Variants in DISC1 observed in about 807,000 individuals in gnomAD.
DISC1 encodes the protein DISC1 scaffold protein, also known as disrupted in schizophrenia 1 protein.
Under a neutral mutation model 84.5 loss-of-function variants are expected in DISC1, and 57 were observed. That is an observed-to-expected ratio of 0.67 (90% confidence interval 0.55 to 0.84). The LOEUF (loss-of-function observed/expected upper bound fraction) is 0.84. Ranked by LOEUF, DISC1 falls within the 40% of genes least tolerant of loss-of-function variation. The probability of loss-of-function intolerance (pLI) is 0.00; values close to 1 mark genes in which losing one functional copy is unlikely to be tolerated. For missense variants in DISC1, 1,000 were observed against 1,057.8 expected (o/e 0.95, Z 0.76); for synonymous variants, 411 against 415.2 (o/e 0.99, Z 0.12).
intron 9 of DISC1, among the ~76,000 whole-genome samples, chr1:231,835,646 A>C (rs1346634587): frequency 6.6e-6 from 1 of 152,178 alleles, no homozygotes; most frequent in Non-Finnish European, 1.5e-5. Flanking sequence ...CAGAGGCCTG[A>C]CAGTGTGTTG....
At chr1:231,884,514 G>A (rs1433862064) in intron 9 of DISC1, among the ~76,000 whole-genome samples, 3 of 152,122 alleles carry the variant, frequency 2.0e-5, no homozygotes, top group Non-Finnish European at 4.4e-5. Flanking sequence ...GGGCATTTAG[G>A]TTGATTTCAT....
intron 10 of DISC1, among the ~76,000 whole-genome samples, chr1:231,995,821 A>G (rs1572547285): frequency 6.6e-6 from 1 of 151,608 alleles, no homozygotes; most frequent in Middle Eastern, 3.4e-3. Flanking sequence ...GTGTCTTTAT[A>G]GCAGCATGAT....
intron 9 of DISC1, among the ~76,000 whole-genome samples, chr1:231,821,812 C>A (rs2081521403): frequency 6.6e-6 from 1 of 150,620 alleles, no homozygotes. Flanking sequence ...CTCCCAGGTT[C>A]AAGCGATTCT....
chr1:231,723,489 T>C (rs2070172834), intron 3 of DISC1: 1 of 985,516 alleles, frequency 1.0e-6, no homozygotes, highest in Non-Finnish European at 1.2e-6. Context: ...TAAGTGAACG[T>C]TATTCTTTCT....
At chr1:231,721,178 A>G in intron 3 of DISC1, 2 of 1,112,780 alleles carry the variant, frequency 1.8e-6, no homozygotes, top group Non-Finnish European at 2.4e-6. Flanking sequence ...GAAATAATAC[A>G]TATAAAAACT....
intron 3 of DISC1, among the ~76,000 whole-genome samples, chr1:231,711,988 TTATC>T (rs2067918461): frequency 2.0e-5 from 3 of 152,176 alleles, no homozygotes; most frequent in Admixed American, 1.3e-4. Context: ...TCATCCCAGA[TTATC>T]TGAGGTGGGT....
intron 1 of DISC1, among the ~76,000 whole-genome samples, chr1:231,651,763 C>T (rs1418275276): frequency 6.6e-5 from 10 of 152,378 alleles, no homozygotes; most frequent in East Asian, 5.8e-4. Context: ...CTTCTCCAGC[C>T]GCTTTGTTTA....
At chr1:231,660,780 A>G (rs1199026825) in intron 1 of DISC1, among the ~76,000 whole-genome samples, 1 of 152,156 alleles carries the variant, frequency 6.6e-6, no homozygotes, top group Admixed American at 6.5e-5. Context: ...TAAGGTTAGT[A>G]TTATTATATG....
intron 8 of DISC1, among the ~76,000 whole-genome samples, chr1:231,801,207 C>T (rs951622803): frequency 1.3e-5 from 2 of 151,870 alleles, no homozygotes; most frequent in East Asian, 1.9e-4. Context: ...AACATGGCAG[C>T]GCAAATGTGG....
rs200135044 is a variant in DISC1 at position 231,720,810 on chromosome 1, A to G, written c.1117+18786A>G. The G allele has an allele frequency of 9.8e-5, 126 of 1,280,848 alleles. 1 individual carries two copies. The highest frequency in any genetic ancestry group is 2.1e-4 in the Middle Eastern group (1 of 4,678). 79.3% of individuals were successfully genotyped at this position (1,280,848 alleles called of 1,614,324 possible). On this transcript the variant is annotated intron_variant, in intron 3 of 12. Coordinates refer to ENST00000439617, the MANE Select transcript of DISC1 (RefSeq NM_018662.3). ...TAGTCACAGGGCAGAAGTGGTTCTG[A>G]GCAGCAGGTAGGAAACGTGTTGTCG... is the stretch of plus-strand genomic sequence containing the variant.
At chr1:231,916,571 C>T (rs889248073) in intron 9 of DISC1, among the ~76,000 whole-genome samples, 5 of 145,438 alleles carry the variant, frequency 3.4e-5, no homozygotes, top group Non-Finnish European at 7.5e-5. Flanking sequence ...AGGAGAATGG[C>T]GTGAACCCGG....
intron 9 of DISC1, among the ~76,000 whole-genome samples, chr1:231,941,693 G>T (rs534561900): frequency 6.6e-6 from 1 of 151,622 alleles, no homozygotes; most frequent in Non-Finnish European, 1.5e-5. Flanking sequence ...GGATGGTCTC[G>T]ATCTCTTGAC....
At chr1:231,763,827 G>A (rs2075968575) in intron 4 of DISC1, among the ~76,000 whole-genome samples, 1 of 152,198 alleles carries the variant, frequency 6.6e-6, no homozygotes, top group South Asian at 2.1e-4. Flanking sequence ...GAACTGTTTA[G>A]CATTGTGTCC....
intron 9 of DISC1, among the ~76,000 whole-genome samples, chr1:231,948,677 C>T (rs1040702548): frequency 7.9e-5 from 12 of 151,840 alleles, no homozygotes; most frequent in African/African-American, 2.7e-4. Flanking sequence ...AGAACACAAA[C>T]CAGAATTGAA....
At chr1:231,769,308 A>G (rs139030956) in intron 5 of DISC1, among the ~76,000 whole-genome samples, 1 of 152,336 alleles carries the variant, frequency 6.6e-6, no homozygotes, top group African/African-American at 2.4e-5. Context: ...ACTCAAAGAG[A>G]TGTTTACACA....
At chr1:231,836,654 A>C (rs376168902) in intron 9 of DISC1, among the ~76,000 whole-genome samples, 1 of 151,924 alleles carries the variant, frequency 6.6e-6, no homozygotes, top group Non-Finnish European at 1.5e-5. Flanking sequence ...GGCTGCTCCC[A>C]TTGGCTTTCA....
chr1:232,006,442 G>C (rs1667454235), intron 10 of DISC1, among the ~76,000 whole-genome samples: 1 of 152,152 alleles, frequency 6.6e-6, no homozygotes, highest in Non-Finnish European at 1.5e-5. Context: ...CTCTTGTTAT[G>C]TTTTAGCAAA....
intron 11 of DISC1, among the ~76,000 whole-genome samples, chr1:232,017,398 A>T (rs7512705): frequency 0.16 from 24,574 of 151,736 alleles, 4,008 homozygotes; most frequent in African/African-American, 0.41. Flanking sequence ...AAATTTTTTT[A>T]AAAAACTTAA....
Position 231,771,034 on chromosome 1 carries a change from T to C in DISC1, c.1598T>C (p.Ile533Thr), listed in dbSNP as rs754085491. The C allele has an allele frequency of 6.2e-7, 1 of 1,610,098 alleles. No individual in the cohort carries two copies. The highest frequency in any genetic ancestry group is 8.5e-7 in the Non-Finnish European group (1 of 1,178,014). The part of the protein sequence containing the change: ...LQDTLASAGQ[I>T]PFHAEPPETI... ...GACACCCTGGCCTCAGCCGGTCAGA[T>C]TCCCTTCCATGCAGAGCCACCGGAA... Residue 533 changes from isoleucine (I) to threonine (T), a missense_variant, in exon 6 of 13, where the codon ATT becomes ACT. Transcript: ENST00000439617.
Sources: allele counts gnomAD v4.1 joint callset (sites outside exome capture counted in the v4.1 genomes callset), GRCh38; gene constraint gnomAD v4.1.1; transcripts MANE v1.5; gene names NCBI Gene and HGNC (gene_info 2026-07-23, HGNC 2026-07-21).